The following JMJD1C variants were observed in gnomAD, a reference collection of about 807,000 sequenced individuals.
JMJD1C encodes jumonji domain containing 1C, also known as jumonji domain-containing protein 1C.
JMJD1C carries 31 observed loss-of-function variants against 245.3 expected under a neutral mutation model. That is an observed-to-expected ratio of 0.13 (90% CI 0.09 to 0.17). The LOEUF (loss-of-function observed/expected upper bound fraction) is 0.17, where lower values mean the gene tolerates loss of function less well. JMJD1C is among the 10% of genes least tolerant of loss of function. JMJD1C has a pLI of 1.00. For missense variants in JMJD1C, 2,691 were observed against 3,000.2 expected, an observed-to-expected ratio of 0.90 and a Z score of 2.41; for synonymous variants, 1,057 against 1,017.4, an observed-to-expected ratio of 1.04 and a Z score of -0.74.
At chr10:63,187,051 A>T (rs1198068270) in intron 18 of JMJD1C, among the ~76,000 whole-genome samples, 1 of 152,208 alleles carries the variant, frequency 6.6e-6, no homozygotes, top group Non-Finnish European at 1.5e-5. Context: ...AATTTAAGTG[A>T]TTATTAGTAT....
intron 23 of JMJD1C, 171 bp from the exon 24 acceptor site, chr10:63,176,644 C>G (rs1479484584): frequency 1.2e-5 from 7 of 599,982 alleles, no homozygotes; most frequent in Admixed American, 3.0e-5. Context: ...ATTTGGAAAG[C>G]CAAAGAATAT....
At chr10:63,387,942 G>T (rs199906016) in intron 1 of JMJD1C, among the ~76,000 whole-genome samples, 4 of 151,914 alleles carry the variant, frequency 2.6e-5, no homozygotes, top group Non-Finnish European at 4.4e-5. Flanking sequence ...GCCGAAAAAA[G>T]AAAATTTAAA....
intron 3 of JMJD1C, among the ~76,000 whole-genome samples, chr10:63,245,241 T>C (rs904433294): frequency 6.6e-6 from 1 of 151,898 alleles, no homozygotes; most frequent in African/African-American, 2.4e-5. Context: ...ACCTTAGAAT[T>C]GAGAAACATA....
rs1847660816 is a variant in JMJD1C at position 63,213,910 on chromosome 10, T to C, written c.2257A>G (p.Thr753Ala). ...SSHRTCLNPGTHHPALTPAPH... is the reference protein window; with the variant it reads ...SSHRTCLNPGAHHPALTPAPH... The stretch of plus-strand genomic sequence containing the variant: ...GCAGGAGTTAAGGCAGGATGATGGG[T>C]ACCTGGATTTAAACAGGTTCTATGA... Residue 753 changes from threonine (T) to alanine (A), a missense_variant, in exon 8 of 26, where the codon ACC (threonine) becomes GCC (alanine). Physicochemically the swap from Thr to Ala is moderately conservative, Grantham distance 58. Around this residue, in one of 9 missense-constraint regions of JMJD1C, gnomAD observed 1,562 missense variants for 1,490.7 expected, o/e 1.05. Coordinates refer to ENST00000399262, the MANE Select transcript of JMJD1C (RefSeq NM_032776.3). The C allele has an allele frequency of 6.2e-7, 1 of 1,614,120 alleles. No individual in the cohort carries two copies. The highest frequency in any genetic ancestry group is 8.5e-7 in the Non-Finnish European group (1 of 1,180,000).
At chr10:63,449,675 T>TA (rs1271092380) in intron 1 of JMJD1C, among the ~76,000 whole-genome samples, 16 of 152,262 alleles carry the variant, frequency 1.1e-4, no homozygotes, top group African/African-American at 3.4e-4. Flanking sequence ...ACAGGACGTA[T>TA]ATGAAGAAAA....
rs533475605 is a variant in JMJD1C at position 63,303,270 on chromosome 10, T to C, written c.334-38506A>G. On this transcript the variant is annotated intron_variant, in intron 2 of 25. Transcript: ENST00000399262. ...CATTGAGGGAAGAGAGGCATTCTTC[T>C]AACTTACTGAAAAAGACTCTGCTTG... is the stretch of plus-strand genomic sequence containing the variant. 4.6e-5 allele frequency among the ~76,000 whole-genome samples: 7 copies of C among 152,308 alleles called. No individual in the cohort carries two copies. The East Asian group carries it at 1.4e-3, about 29-fold the overall frequency.
Position 63,208,262 on chromosome 10 carries a change from A to G in JMJD1C, c.3407T>C (p.Leu1136Pro). Residue 1136 changes from leucine to proline, a missense_variant, in exon 10 of 26, where the codon CTG becomes CCG. Transcript: ENST00000399262. ...LAAAAANPQTLTSFITSLSKP... is the reference protein window; with the variant it reads ...LAAAAANPQTPTSFITSLSKP... Reference sequence around the variant, plus strand: ...TGAAAGAGATGTTATAAATGAAGTCAGAGTTTGAGGATTAGCTGCTGCCGC... The same window carrying G: ...TGAAAGAGATGTTATAAATGAAGTCGGAGTTTGAGGATTAGCTGCTGCCGC... The G allele has an allele frequency of 6.2e-7, 1 of 1,614,058 alleles. No homozygotes were observed.
At chr10:63,479,734 A>G (rs950690414) in intron 1 of JMJD1C, among the ~76,000 whole-genome samples, 3 of 152,188 alleles carry the variant, frequency 2.0e-5, no homozygotes, top group Non-Finnish European at 4.4e-5. Flanking sequence ...TTTTTGGCAA[A>G]AATAGTCCAT....
At chr10:63,402,627 G>T (rs1948935388) in intron 1 of JMJD1C, among the ~76,000 whole-genome samples, 1 of 152,088 alleles carries the variant, frequency 6.6e-6, no homozygotes, top group African/African-American at 2.4e-5. Context: ...GTATAAAATA[G>T]CCTCCAGAGC....
intron 1 of JMJD1C, among the ~76,000 whole-genome samples, chr10:63,412,573 C>T (rs1191019761): frequency 6.6e-6 from 1 of 152,138 alleles, no homozygotes; most frequent in Non-Finnish European, 1.5e-5. Context: ...AAAAACCTAT[C>T]ACAGCATGTA....
chr10:63,183,650 C>A, intron 21 of JMJD1C, 81 bp from the exon 22 acceptor site: 1 of 765,850 alleles, frequency 1.3e-6, no homozygotes, highest in Non-Finnish European at 1.9e-6. Context: ...CAAATTAGCT[C>A]GATCTGCATA....
At chr10:63,289,468 T>A (rs1471088202) in intron 2 of JMJD1C, among the ~76,000 whole-genome samples, 1 of 152,086 alleles carries the variant, frequency 6.6e-6, no homozygotes, top group African/African-American at 2.4e-5. Context: ...CAGCAAAAAA[T>A]AACTTAAACA....
intron 1 of JMJD1C, among the ~76,000 whole-genome samples, chr10:63,389,324 A>G (rs1307528556): frequency 6.7e-6 from 1 of 149,122 alleles, no homozygotes; most frequent in African/African-American, 2.5e-5. Context: ...AAAAAAAAAA[A>G]AAAAGAAAAA....
At chr10:63,412,991 A>C (rs1378283832) in intron 1 of JMJD1C, among the ~76,000 whole-genome samples, 1 of 152,108 alleles carries the variant, frequency 6.6e-6, no homozygotes, top group South Asian at 2.1e-4. Context: ...ATATTGATTT[A>C]ATTAAAATAA....
chr10:63,392,494 T>C (rs1023506500), intron 1 of JMJD1C, among the ~76,000 whole-genome samples: 2 of 151,904 alleles, frequency 1.3e-5, no homozygotes, highest in Admixed American at 6.6e-5. Flanking sequence ...ATTCAGAATA[T>C]ATGAGAAACT....
intron 2 of JMJD1C, among the ~76,000 whole-genome samples, chr10:63,310,361 C>T (rs780645911): frequency 6.6e-6 from 1 of 152,142 alleles, no homozygotes; most frequent in Non-Finnish European, 1.5e-5. Context: ...GGAACGCTTG[C>T]CTTGCCAGAT....
At chr10:63,195,353 C>CAAAAA (rs56809186) in intron 13 of JMJD1C, among the ~76,000 whole-genome samples, 1 of 109,732 alleles carries the variant, frequency 9.1e-6, no homozygotes, top group African/African-American at 3.8e-5. Context: ...GACACCATCT[C>CAAAAA]AAAAAAAAAA....
chr10:63,277,710 C>A (rs1207551506), intron 2 of JMJD1C, among the ~76,000 whole-genome samples: 2 of 135,694 alleles, frequency 1.5e-5, no homozygotes, highest in Admixed American at 7.4e-5. Context: ...AAAATATATT[C>A]ATTGAGAGTA....
chr10:63,504,774 C>T (rs1281736943), intron 1 of JMJD1C, among the ~76,000 whole-genome samples: 1 of 152,116 alleles, frequency 6.6e-6, no homozygotes, highest in Non-Finnish European at 1.5e-5. Flanking sequence ...ACAGAGGTGG[C>T]TCACATCTAT....
Sources: allele counts gnomAD v4.1 joint callset (sites outside exome capture counted in the v4.1 genomes callset), GRCh38; gene constraint gnomAD v4.1.1; regional missense constraint gnomAD v4.1.1; transcripts MANE v1.5; gene names NCBI Gene and HGNC (gene_info 2026-07-23, HGNC 2026-07-21).